SAMTOR: variants seen among roughly 807,000 people sequenced by gnomAD.
SAMTOR encodes the protein UPF0532 protein C7orf60.
At chr7:112,824,437 C>T in the SAMTOR span, among the ~76,000 whole-genome samples, 9 of 151,820 alleles carry the variant, frequency 5.9e-5, no homozygotes, top group Non-Finnish European at 1.2e-4. Flanking sequence ...CTTGGCTCAC[C>T]GCAACCTCCG....
chr7:112,897,729 T>C, the SAMTOR span, among the ~76,000 whole-genome samples: 1 of 152,202 alleles, frequency 6.6e-6, no homozygotes, highest in Non-Finnish European at 1.5e-5. Context: ...CAGAGTCAGA[T>C]GACGACTGCA....
chr7:112,821,793 C>T, the SAMTOR span: 1 of 1,612,950 alleles, frequency 6.2e-7, no homozygotes, highest in Non-Finnish European at 8.5e-7. Flanking sequence ...AGGAATAGAG[C>T]TGGCTTGACT....
the SAMTOR span, among the ~76,000 whole-genome samples, chr7:112,936,673 T>C: frequency 6.6e-6 from 1 of 152,182 alleles, no homozygotes. Context: ...AAGGCTCTGT[T>C]CTCCAACCTC....
At chr7:112,918,684 T>C in the SAMTOR span, among the ~76,000 whole-genome samples, 1 of 152,184 alleles carries the variant, frequency 6.6e-6, no homozygotes, top group Non-Finnish European at 1.5e-5. Context: ...CCCATCAGTG[T>C]GCTGTATTCA....
the SAMTOR span, chr7:112,821,603 GA>G: frequency 1.3e-6 from 1 of 776,218 alleles, no homozygotes; most frequent in Admixed American, 2.9e-5. Context: ...TTGAGAAGTA[GA>G]AAAAAATAGC....
At chr7:112,835,843 C>A in the SAMTOR span, among the ~76,000 whole-genome samples, 1 of 152,102 alleles carries the variant, frequency 6.6e-6, no homozygotes. Flanking sequence ...GCATAGTATT[C>A]TATGGTGTAT....
At chr7:112,849,098 T>C in the SAMTOR span, among the ~76,000 whole-genome samples, 1 of 151,622 alleles carries the variant, frequency 6.6e-6, no homozygotes, top group Non-Finnish European at 1.5e-5. Context: ...TTTTTTCCCC[T>C]ACCCTTAACA....
At chr7:112,836,207 G>A in the SAMTOR span, among the ~76,000 whole-genome samples, 1 of 152,112 alleles carries the variant, frequency 6.6e-6, no homozygotes, top group Non-Finnish European at 1.5e-5. Flanking sequence ...GTATCTCACT[G>A]TGGTTTTGAT....
the SAMTOR span, among the ~76,000 whole-genome samples, chr7:112,834,619 T>G: frequency 6.6e-6 from 1 of 152,170 alleles, no homozygotes; most frequent in Non-Finnish European, 1.5e-5. Context: ...AGGACACGAA[T>G]CACATCCATT....
chr7:112,893,674 T>A, the SAMTOR span, among the ~76,000 whole-genome samples: 3 of 152,154 alleles, frequency 2.0e-5, no homozygotes, highest in Non-Finnish European at 4.4e-5. Context: ...GAGGCCGAGG[T>A]AGGTGGATCA....
At chr7:112,896,192 TGCACGCGCGCAC>T in the SAMTOR span, among the ~76,000 whole-genome samples, 1 of 152,004 alleles carries the variant, frequency 6.6e-6, no homozygotes, top group African/African-American at 2.4e-5. Flanking sequence ...TGAGTGTGCG[TGCACGCGCGCAC>T]GCGCGTGTGT....
chr7:112,821,774 C>G, the SAMTOR span: 1 of 1,609,232 alleles, frequency 6.2e-7, no homozygotes, highest in Non-Finnish European at 8.5e-7. Context: ...GGTCTTCTAG[C>G]TCATAGAAAG....
the SAMTOR span, among the ~76,000 whole-genome samples, chr7:112,931,527 T>C: frequency 3.9e-5 from 6 of 152,348 alleles, no homozygotes; most frequent in South Asian, 4.1e-4. Flanking sequence ...TGTTATTCCC[T>C]TGTGAAAGTG....
At chr7:112,903,681 G>A in the SAMTOR span, among the ~76,000 whole-genome samples, 1 of 152,158 alleles carries the variant, frequency 6.6e-6, no homozygotes, top group Non-Finnish European at 1.5e-5. Flanking sequence ...AGAGAAAAAG[G>A]ACCCAGAGGA....
the SAMTOR span, among the ~76,000 whole-genome samples, chr7:112,908,044 A>G: frequency 6.6e-6 from 1 of 152,230 alleles, no homozygotes; most frequent in Non-Finnish European, 1.5e-5. Context: ...TATTCATTAC[A>G]GCACTATTTG....
At chr7:112,915,524 G>T in the SAMTOR span, 2 of 1,183,370 alleles carry the variant, frequency 1.7e-6, no homozygotes, top group Non-Finnish European at 2.2e-6. Flanking sequence ...AGCACAATCT[G>T]AAATTATTTA....
the SAMTOR span, among the ~76,000 whole-genome samples, chr7:112,927,747 C>T: frequency 6.6e-6 from 1 of 152,028 alleles, no homozygotes; most frequent in Non-Finnish European, 1.5e-5. Context: ...TGCTCTACAG[C>T]TTAAATTGTC....
At chr7:112,851,056 T>C in the SAMTOR span, among the ~76,000 whole-genome samples, 5 of 152,116 alleles carry the variant, frequency 3.3e-5, no homozygotes, top group African/African-American at 1.2e-4. Flanking sequence ...AAAACACCGA[T>C]GAAAGAAAAT....
the SAMTOR span, among the ~76,000 whole-genome samples, chr7:112,931,337 C>T: frequency 1.4e-5 from 2 of 147,564 alleles, no homozygotes; most frequent in Non-Finnish European, 3.1e-5. Context: ...CAAATCAATG[C>T]ATGGATTAAA....
Sources: allele counts gnomAD v4.1 joint callset (sites outside exome capture counted in the v4.1 genomes callset), GRCh38; gene constraint gnomAD v4.1.1; transcripts MANE v1.5; gene names NCBI Gene and HGNC (gene_info 2026-07-23, HGNC 2026-07-21).